Variants in CDKAL1 observed in about 807,000 individuals in gnomAD.
The protein encoded by CDKAL1 is threonylcarbamoyladenosine tRNA methylthiotransferase.
CDKAL1 carries 32 observed loss-of-function variants against 68.2 expected under a neutral mutation model. The observed-to-expected ratio is 0.47, with a 90% CI of 0.35 to 0.63. The LOEUF is 0.63. Ranked by LOEUF, CDKAL1 falls within the 30% of genes least tolerant of loss-of-function variation. The pLI, the probability that CDKAL1 is intolerant of heterozygous loss-of-function variation, is 0.00. For missense variants in CDKAL1, 606 were observed against 696.7 expected (o/e 0.87, Z 1.47); for synonymous variants, 234 against 244.3 (o/e 0.96, Z 0.39).
At chr6:20,842,347 G>A (rs559781770) in intron 8 of CDKAL1, among the ~76,000 whole-genome samples, 2 of 152,212 alleles carry the variant, frequency 1.3e-5, no homozygotes, top group South Asian at 4.1e-4. Flanking sequence ...CAAGTTTAAA[G>A]AAACGTACTC....
At chr6:20,955,101 T>G (rs7775523) in intron 9 of CDKAL1, among the ~76,000 whole-genome samples, 1 of 151,986 alleles carries the variant, frequency 6.6e-6, no homozygotes. Flanking sequence ...AAAATAGGTA[T>G]TCTCTGAGGT....
At chr6:21,098,508 T>C (rs1364727872) in intron 12 of CDKAL1, among the ~76,000 whole-genome samples, 1 of 148,860 alleles carries the variant, frequency 6.7e-6, no homozygotes, top group African/African-American at 2.5e-5. Context: ...AAAACTGAAA[T>C]GTTATGAGGT....
chr6:21,091,962 C>T (rs895298779), intron 12 of CDKAL1, among the ~76,000 whole-genome samples: 5 of 139,914 alleles, frequency 3.6e-5, no homozygotes, highest in Admixed American at 7.6e-5. Flanking sequence ...TCTCGGCTCA[C>T]TGCAAGCTCC....
At chr6:21,138,245 G>GTT (rs1283947402) in intron 13 of CDKAL1, among the ~76,000 whole-genome samples, 1 of 151,800 alleles carries the variant, frequency 6.6e-6, no homozygotes, top group African/African-American at 2.4e-5. Flanking sequence ...GTCTGTGTGT[G>GTT]TGTGTGTGTG....
intron 4 of CDKAL1, among the ~76,000 whole-genome samples, chr6:20,633,077 A>G (rs1163131950): frequency 1.3e-5 from 2 of 152,222 alleles, no homozygotes; most frequent in South Asian, 2.1e-4. Context: ...TATTGAGATA[A>G]TAATTCCTAT....
At chr6:21,025,353 TA>T (rs1340139363) in intron 11 of CDKAL1, among the ~76,000 whole-genome samples, 1 of 152,236 alleles carries the variant, frequency 6.6e-6, no homozygotes, top group Non-Finnish European at 1.5e-5. Flanking sequence ...ATGTTTCAGT[TA>T]GTTTTTCTTA....
At position 20,730,843 on chromosome 6, in the gene CDKAL1, C is replaced by CAA. The variant is rs34407999; in HGVS notation, c.372-8659_372-8658dup. ...GGGGCTAAGAAGCAAGACTCCGTCT[C>CAA]AAAAAAAAAAAAAAAAAAGAGAGAA... On this transcript the variant is annotated intron_variant, in intron 5 of 15. Coordinates refer to ENST00000274695, the MANE Select transcript of CDKAL1 (RefSeq NM_017774.3). Among the ~76,000 whole-genome samples the CAA allele has an allele frequency of 5.7e-3, 659 of 116,216 alleles. 6 individuals carry two copies. The highest frequency in any genetic ancestry group is 0.022 in the East Asian group (87 of 3,988). The allele number at this position is 116,216 out of a possible 152,430, so 76.2% of individuals were successfully genotyped here. A position where few individuals can be genotyped will look rare whatever the true frequency, so the allele number is the denominator to read the frequency against.
At chr6:21,174,783 A>G (rs1481089070) in intron 13 of CDKAL1, among the ~76,000 whole-genome samples, 4 of 152,114 alleles carry the variant, frequency 2.6e-5, no homozygotes, top group Non-Finnish European at 5.9e-5. Flanking sequence ...TCTTCCTTCA[A>G]CCTAGTAATT....
chr6:21,185,191 C>A (rs1307995423), intron 13 of CDKAL1, among the ~76,000 whole-genome samples: 2 of 149,574 alleles, frequency 1.3e-5, no homozygotes, highest in African/African-American at 2.5e-5. Context: ...TTTAAGTAGA[C>A]GATGTACTAT....
chr6:21,100,762 G>A (rs1397018478), intron 12 of CDKAL1, among the ~76,000 whole-genome samples: 1 of 151,978 alleles, frequency 6.6e-6, no homozygotes, highest in East Asian at 1.9e-4. Flanking sequence ...AAAACTTGAG[G>A]TTCATGGTTT....
chr6:20,590,485 C>T (rs1765546439), intron 4 of CDKAL1, among the ~76,000 whole-genome samples: 2 of 152,230 alleles, frequency 1.3e-5, no homozygotes, highest in South Asian at 4.1e-4. Flanking sequence ...TTAGGTATTT[C>T]TCCTAATGCT....
chr6:20,636,865 C>T (rs1041686675), intron 4 of CDKAL1, among the ~76,000 whole-genome samples: 6 of 151,684 alleles, frequency 4.0e-5, no homozygotes, highest in Non-Finnish European at 5.9e-5. Flanking sequence ...GGTGAAACCC[C>T]GTCTCTACTA....
In CDKAL1 at chr6:20,565,114, TA is replaced by T. The variant is rs1198779774; in HGVS notation, c.286+16410del. ...ACCTAGAAAGAGAATACAAGTAGGA[TA>T]TTTTTTTATCCCATCAAAGCTATCT... On this transcript the variant is annotated intron_variant, in intron 4 of 15. Coordinates refer to ENST00000274695, the MANE Select transcript of CDKAL1 (RefSeq NM_017774.3). Among the ~76,000 whole-genome samples, 19 of 152,154 alleles carry T rather than the reference TA, an allele frequency of 1.2e-4. No individual in the cohort carries two copies. In the East Asian group the frequency reaches 3.3e-3, roughly 26 times the overall value.
chr6:20,767,930 C>G (rs1340437042), intron 7 of CDKAL1, among the ~76,000 whole-genome samples: 2 of 152,102 alleles, frequency 1.3e-5, no homozygotes, highest in Non-Finnish European at 2.9e-5. Context: ...GATATCAACT[C>G]TGGATATCCT....
At chr6:20,862,468 A>G (rs1469502223) in intron 9 of CDKAL1, among the ~76,000 whole-genome samples, 3 of 152,232 alleles carry the variant, frequency 2.0e-5, no homozygotes, top group Non-Finnish European at 4.4e-5. Context: ...TTAAAATAGT[A>G]TAATACTAAG....
At chr6:20,736,796 A>G (rs9368227) in intron 5 of CDKAL1, among the ~76,000 whole-genome samples, 8 of 151,470 alleles carry the variant, frequency 5.3e-5, no homozygotes, top group African/African-American at 2.4e-5. Context: ...TTTCCTCCAC[A>G]TGCGTTCTGG....
intron 11 of CDKAL1, among the ~76,000 whole-genome samples, chr6:21,063,494 C>A (rs1429083947): frequency 6.6e-6 from 1 of 152,142 alleles, no homozygotes; most frequent in Non-Finnish European, 1.5e-5. Context: ...TAATGCTTTG[C>A]TCTTAAATGT....
At chr6:21,043,049 T>A (rs1327080548) in intron 11 of CDKAL1, among the ~76,000 whole-genome samples, 1 of 152,188 alleles carries the variant, frequency 6.6e-6, no homozygotes, top group Admixed American at 6.5e-5. Flanking sequence ...AAATGCATCA[T>A]AAATGTTTCT....
chr6:20,857,112 G>A (rs1304499818), intron 9 of CDKAL1, among the ~76,000 whole-genome samples: 1 of 152,138 alleles, frequency 6.6e-6, no homozygotes, highest in Non-Finnish European at 1.5e-5. Flanking sequence ...ATACGTTTCT[G>A]TATTTCTTTT....
Sources: gnomAD v4.1 joint callset for allele counts (sites outside exome capture counted in the v4.1 genomes callset) on GRCh38, gnomAD v4.1.1 for gene constraint, MANE v1.5 for transcripts, NCBI Gene and HGNC (gene_info 2026-07-23, HGNC 2026-07-21) for gene names.